Variants in DOK6 observed in about 807,000 individuals in gnomAD.
The protein encoded by DOK6 is docking protein 6.
DOK6 carries 22 observed loss-of-function variants against 44.0 expected under a neutral mutation model. That is an observed-to-expected ratio of 0.50 (90% CI 0.36 to 0.71). DOK6 has a LOEUF of 0.71. Ranked by LOEUF, DOK6 falls within the 30% of genes least tolerant of loss-of-function variation. DOK6 has a pLI of 0.00. For missense variants in DOK6, 340 were observed against 416.4 expected, an observed-to-expected ratio of 0.82 and a Z score of 1.60; for synonymous variants, 166 against 145.5, an observed-to-expected ratio of 1.14 and a Z score of -1.01.
In DOK6 at chr18:69,401,059, C is replaced by T. The variant is rs1916083710; in HGVS notation, c.-186C>T. The T allele has an allele frequency of 7.0e-6, 2 of 287,270 alleles. No individual in the cohort carries two copies. The allele number at this position is 287,270 out of a possible 1,614,324, so 17.8% of individuals were successfully genotyped here. The stretch of plus-strand genomic sequence containing the variant: ...CGGCTCGCGGCGCCGGGCCCCGTTC[C>T]CCGTCCGCGGCGGCCCTGCAGGCGA... On this transcript the variant is annotated 5_prime_UTR_variant, in exon 1 of 8. Coordinates refer to ENST00000382713, the MANE Select transcript of DOK6 (RefSeq NM_152721.6).
At chr18:69,527,052 C>T (rs965580969) in intron 1 of DOK6, among the ~76,000 whole-genome samples, 5 of 152,146 alleles carry the variant, frequency 3.3e-5, no homozygotes, top group Admixed American at 2.0e-4. Flanking sequence ...TGTTTAATCC[C>T]AGTACACATG....
chr18:69,435,284 C>G (rs190222991), intron 1 of DOK6, among the ~76,000 whole-genome samples: 7 of 152,264 alleles, frequency 4.6e-5, no homozygotes, highest in Admixed American at 2.0e-4. Flanking sequence ...TCTCCTTCTC[C>G]CCTCAATATC....
intron 3 of DOK6, among the ~76,000 whole-genome samples, chr18:69,664,333 C>T (rs958269275): frequency 6.6e-6 from 1 of 152,140 alleles, no homozygotes; most frequent in African/African-American, 2.4e-5. Context: ...TATAGGTTCT[C>T]ATTTGATACT....
At position 69,842,581 on chromosome 18, in the gene DOK6, G is replaced by A. The variant is rs1184366967; in HGVS notation, c.*1198G>A. 1 of 152,064 alleles carries A rather than the reference G, an allele frequency of 6.6e-6. No homozygotes were observed. The highest frequency in any genetic ancestry group is 1.5e-5 in the Non-Finnish European group (1 of 68,014). The allele number at this position is 152,064 out of a possible 1,614,324, so 9.4% of individuals were successfully genotyped here. A position where few individuals can be genotyped will look rare whatever the true frequency, so the allele number is the denominator to read the frequency against. On this transcript the variant is annotated 3_prime_UTR_variant, in exon 8 of 8. Transcript: ENST00000382713. ...TTACTGTGTAACCAGAACTTGCAGG[G>A]CTTTATTTTTTCTTTTACTGGACAC...
intron 3 of DOK6, among the ~76,000 whole-genome samples, chr18:69,604,253 G>A (rs1201277815): frequency 1.3e-5 from 2 of 152,196 alleles, no homozygotes; most frequent in Non-Finnish European, 2.9e-5. Flanking sequence ...AAAAATTTTC[G>A]AACACACAGA....
Position 69,551,013 on chromosome 18 carries a change from TCTTAA to T in DOK6, c.67-13469_67-13465del, listed in dbSNP as rs963521366. ...TGCCCAGGCTGGAGTTTTTTTTTAA[TCTTAA>T]CTTATTTACAGGAAGTAACATTTAC... On this transcript the variant is annotated intron_variant, in intron 1 of 7. Coordinates refer to ENST00000382713, the MANE Select transcript of DOK6 (RefSeq NM_152721.6). Among the ~76,000 whole-genome samples the T allele has an allele frequency of 2.9e-4, 44 of 151,886 alleles. 1 individual carries two copies. The highest frequency in any genetic ancestry group is 1.9e-3 in the Admixed American group (29 of 15,254).
chr18:69,617,228 G>A (rs28415463), intron 3 of DOK6, among the ~76,000 whole-genome samples: 15,927 of 152,150 alleles, frequency 0.1, 894 homozygotes, highest in East Asian at 0.25. Context: ...GTCAAGGTGG[G>A]AGGATAGAGT....
chr18:69,496,886 A>G (rs1174155530), intron 1 of DOK6, among the ~76,000 whole-genome samples: 1 of 152,204 alleles, frequency 6.6e-6, no homozygotes, highest in African/African-American at 2.4e-5. Flanking sequence ...AATTTGTTGG[A>G]TGCAATATAC....
intron 7 of DOK6, among the ~76,000 whole-genome samples, chr18:69,796,792 G>T (rs1980759230): frequency 6.6e-6 from 1 of 152,308 alleles, no homozygotes; most frequent in Non-Finnish European, 1.5e-5. Flanking sequence ...TGAGGCATTG[G>T]CTTGTAATTC....
chr18:69,589,029 C>G (rs972746471), intron 2 of DOK6, among the ~76,000 whole-genome samples: 2 of 151,642 alleles, frequency 1.3e-5, no homozygotes, highest in African/African-American at 2.4e-5. Flanking sequence ...TTTTTATCAG[C>G]AACAGGAGGC....
At chr18:69,774,505 T>C (rs1024472703) in intron 7 of DOK6, among the ~76,000 whole-genome samples, 2 of 151,858 alleles carry the variant, frequency 1.3e-5, no homozygotes, top group Non-Finnish European at 2.9e-5. Context: ...CCTACGGAAA[T>C]AAAATTTTTT....
At chr18:69,674,816 C>A (rs950000051) in intron 3 of DOK6, among the ~76,000 whole-genome samples, 3 of 152,096 alleles carry the variant, frequency 2.0e-5, no homozygotes, top group African/African-American at 7.2e-5. Context: ...CTGCCCATCC[C>A]ACTAGACTCT....
chr18:69,753,824 C>CTT (rs11400448), intron 6 of DOK6, among the ~76,000 whole-genome samples: 13,883 of 149,960 alleles, frequency 0.093, 846 homozygotes, highest in Non-Finnish European at 0.13. Context: ...CTGTTTGAGA[C>CTT]TTTTTTTTTT....
At chr18:69,778,239 A>T (rs931907926) in intron 7 of DOK6, among the ~76,000 whole-genome samples, 2 of 152,206 alleles carry the variant, frequency 1.3e-5, no homozygotes, top group East Asian at 1.9e-4. Context: ...AGATGTATAT[A>T]AAGTCTTTCC....
chr18:69,842,931 C>G lies in DOK6; in HGVS notation c.*1548C>G, dbSNP rs756726883. The G allele has an allele frequency of 1.3e-5, 2 of 151,890 alleles. No individual in the cohort carries two copies. Among genetic ancestry groups the G allele is most frequent in the African/African-American group, 2.4e-5 (1 of 41,328 alleles). 9.4% of individuals were successfully genotyped at this position (151,890 alleles called of 1,614,324 possible). The stretch of plus-strand genomic sequence containing the variant: ...TTAATAGGAAAATTTTTTAAACTAT[C>G]CAAATTAGTCTGTTGAAAGGGTACC... On this transcript the variant is annotated 3_prime_UTR_variant, in exon 8 of 8. Coordinates refer to ENST00000382713, the MANE Select transcript of DOK6 (RefSeq NM_152721.6).
intron 5 of DOK6, among the ~76,000 whole-genome samples, chr18:69,726,914 G>A (rs112108755): frequency 0.039 from 5,897 of 151,894 alleles, 135 homozygotes; most frequent in Middle Eastern, 0.12. Flanking sequence ...GAGTGCAGTG[G>A]CACCATCATA....
intron 3 of DOK6, among the ~76,000 whole-genome samples, chr18:69,616,915 AC>A (rs1244589865): frequency 6.6e-6 from 1 of 152,236 alleles, no homozygotes; most frequent in African/African-American, 2.4e-5. Context: ...TTGAATGAGG[AC>A]TTAAAAATAT....
At chr18:69,579,737 TATATTTTTG>T (rs1983320975) in intron 2 of DOK6, among the ~76,000 whole-genome samples, 1 of 152,024 alleles carries the variant, frequency 6.6e-6, no homozygotes, top group Admixed American at 6.6e-5. Context: ...CTAATTTTTG[TATATTTTTG>T]TTTGTTTGTT....
chr18:69,779,874 A>G (rs1980205717), intron 7 of DOK6, among the ~76,000 whole-genome samples: 1 of 152,030 alleles, frequency 6.6e-6, no homozygotes, highest in African/African-American at 2.4e-5. Context: ...ACCCTTTTCT[A>G]TCCTGTGAAT....
Sources: allele counts gnomAD v4.1 joint callset (sites outside exome capture counted in the v4.1 genomes callset), GRCh38; gene constraint gnomAD v4.1.1; transcripts MANE v1.5; gene names NCBI Gene and HGNC (gene_info 2026-07-23, HGNC 2026-07-21).